CSMD1: variants seen among roughly 807,000 people sequenced by gnomAD.
CSMD1 encodes the protein CUB and sushi domain-containing protein 1.
A neutral mutation model predicts 417.5 loss-of-function variants in CSMD1; 213 were observed. That is an observed-to-expected ratio of 0.51 (90% CI 0.46 to 0.57). CSMD1 has a LOEUF of 0.57. CSMD1 is among the 20% of genes least tolerant of loss of function. CSMD1 has a pLI of 0.00. For missense variants in CSMD1, 6,923 were observed against 4,529.7 expected (o/e 1.53, Z -15.17); for synonymous variants, 2,862 against 1,736.8 (o/e 1.65, Z -16.11).
intron 3 of CSMD1, among the ~76,000 whole-genome samples, chr8:4,412,086 C>A (rs1367339383): frequency 1.3e-5 from 2 of 151,226 alleles, no homozygotes; most frequent in African/African-American, 2.4e-5. Flanking sequence ...TCTCAACGTG[C>A]AAGAGTGCGT....
chr8:3,332,365 C>T (rs193168062), intron 23 of CSMD1, among the ~76,000 whole-genome samples: 14 of 152,362 alleles, frequency 9.2e-5, no homozygotes, highest in East Asian at 3.9e-4. Flanking sequence ...CCGCTCCTCA[C>T]CCACCTCCAG....
At chr8:3,791,582 G>T (rs550147357) in intron 5 of CSMD1, among the ~76,000 whole-genome samples, 8 of 152,300 alleles carry the variant, frequency 5.3e-5, no homozygotes, top group African/African-American at 1.7e-4. Flanking sequence ...CCAGCACTTT[G>T]GGAGGCCTAG....
intron 3 of CSMD1, among the ~76,000 whole-genome samples, chr8:4,204,504 A>T (rs988339250): frequency 6.6e-6 from 1 of 152,208 alleles, no homozygotes; most frequent in Admixed American, 6.5e-5. Flanking sequence ...ACCAGATTCA[A>T]TTTCCATAAT....
chr8:2,941,715 G>T (rs1236748266), intron 69 of CSMD1, among the ~76,000 whole-genome samples: 1 of 152,164 alleles, frequency 6.6e-6, no homozygotes, highest in African/African-American at 2.4e-5. Flanking sequence ...ACTTTTTCAA[G>T]AGATGGAACA....
At chr8:3,731,592 A>T (rs375224064) in intron 6 of CSMD1, among the ~76,000 whole-genome samples, 18 of 152,176 alleles carry the variant, frequency 1.2e-4, no homozygotes, top group African/African-American at 4.3e-4. Context: ...TTTGAAAGTG[A>T]TATGAACTTT....
At chr8:3,821,873 G>C (rs145495464) in intron 5 of CSMD1, among the ~76,000 whole-genome samples, 249 of 152,282 alleles carry the variant, frequency 1.6e-3, no homozygotes, top group African/African-American at 5.2e-3. Flanking sequence ...AAGTCACACG[G>C]AGAAGGTAAA....
intron 5 of CSMD1, among the ~76,000 whole-genome samples, chr8:3,762,977 A>G (rs1798092575): frequency 6.6e-6 from 1 of 152,140 alleles, no homozygotes. Context: ...AGATCTCACC[A>G]TGACATTTGG....
chr8:4,770,639 G>A (rs553298185), intron 1 of CSMD1, among the ~76,000 whole-genome samples: 1 of 152,000 alleles, frequency 6.6e-6, no homozygotes, highest in Non-Finnish European at 1.5e-5. Context: ...GAAGAGAATA[G>A]AGAGCTGAAA....
intron 1 of CSMD1, among the ~76,000 whole-genome samples, chr8:4,890,160 T>C (rs1028330452): frequency 6.6e-6 from 1 of 152,142 alleles, no homozygotes; most frequent in Non-Finnish European, 1.5e-5. Context: ...AATTTTGTTT[T>C]AAAGAAATAA....
chr8:2,959,336 C>T (rs909404127), intron 62 of CSMD1, among the ~76,000 whole-genome samples: 4 of 152,120 alleles, frequency 2.6e-5, no homozygotes, highest in Non-Finnish European at 5.9e-5. Flanking sequence ...TGGCCTCAAG[C>T]GATTCTTCTG....
intron 3 of CSMD1, among the ~76,000 whole-genome samples, chr8:4,418,802 A>G (rs992548271): frequency 3.9e-5 from 6 of 152,164 alleles, no homozygotes; most frequent in East Asian, 1.9e-4. Context: ...CTTGATAGTA[A>G]CGTACTTAAA....
intron 20 of CSMD1, among the ~76,000 whole-genome samples, chr8:3,359,570 G>A (rs760865442): frequency 2.0e-5 from 3 of 149,532 alleles, no homozygotes; most frequent in Non-Finnish European, 3.0e-5. Flanking sequence ...TGACAGGTAA[G>A]AATGAGAATT....
rs75982402 is a variant in CSMD1 at position 3,155,021 on chromosome 8, A to G, written c.5914+2876T>C. Among the ~76,000 whole-genome samples, 1,094 of 152,338 alleles carry G rather than the reference A, an allele frequency of 7.2e-3. 13 individuals are homozygous for G. Among genetic ancestry groups the G allele is most frequent in the African/African-American group, 0.025 (1,040 of 41,584 alleles). On this transcript the variant is annotated intron_variant, in intron 39 of 69. Coordinates refer to ENST00000635120, the MANE Select transcript of CSMD1 (RefSeq NM_033225.6). Reference sequence around the variant, plus strand: ...CAATGAAAAAACTTGTATACCCTGTAAAGAATTACAGAAGTTGACATAACT... The same window carrying G: ...CAATGAAAAAACTTGTATACCCTGTGAAGAATTACAGAAGTTGACATAACT...
intron 10 of CSMD1, among the ~76,000 whole-genome samples, chr8:3,504,187 T>A (rs148209637): frequency 2.0e-5 from 3 of 152,272 alleles, no homozygotes; most frequent in East Asian, 3.9e-4. Context: ...TATACCAGTA[T>A]TGAAACACTG....
intron 5 of CSMD1, among the ~76,000 whole-genome samples, chr8:3,784,798 G>C (rs1290841410): frequency 1.3e-5 from 2 of 152,110 alleles, no homozygotes; most frequent in East Asian, 3.9e-4. Context: ...ACATCATGTT[G>C]CATATCACAA....
intron 5 of CSMD1, among the ~76,000 whole-genome samples, chr8:3,778,079 G>C (rs1335042979): frequency 2.0e-5 from 3 of 152,248 alleles, no homozygotes; most frequent in Non-Finnish European, 2.9e-5. Flanking sequence ...GGAAACTGGA[G>C]TTTGAGAGCT....
intron 37 of CSMD1, among the ~76,000 whole-genome samples, chr8:3,166,871 T>C (rs1303170898): frequency 6.6e-6 from 1 of 152,206 alleles, no homozygotes; most frequent in African/African-American, 2.4e-5. Flanking sequence ...AAGTAAGCTG[T>C]CTTATTGTTT....
Position 3,801,785 on chromosome 8 carries a change from C to T in CSMD1, c.819-47743G>A, listed in dbSNP as rs573198313. 4.1e-4 allele frequency among the ~76,000 whole-genome samples: 63 copies of T among 152,122 alleles called. No individual in the cohort carries two copies. In the South Asian group the frequency reaches 9.8e-3, roughly 24 times the overall value. On this transcript the variant is annotated intron_variant, in intron 5 of 69. Coordinates refer to ENST00000635120, the MANE Select transcript of CSMD1 (RefSeq NM_033225.6). ...AGCATACACATTCAGTAGCATTTTA[C>T]GGGTCATTAAAAATCAACAAAGTAC...
intron 1 of CSMD1, among the ~76,000 whole-genome samples, chr8:4,646,572 G>A (rs189848944): frequency 2.6e-5 from 4 of 152,192 alleles, no homozygotes; most frequent in Non-Finnish European, 4.4e-5. Context: ...ATTCCTGGGT[G>A]TTCGCATATA....
Sources: allele counts gnomAD v4.1 joint callset (sites outside exome capture counted in the v4.1 genomes callset), GRCh38; gene constraint gnomAD v4.1.1; transcripts MANE v1.5; gene names NCBI Gene and HGNC (gene_info 2026-07-23, HGNC 2026-07-21).